CSMD1: variants seen among roughly 807,000 people sequenced by gnomAD.
CSMD1 encodes CUB and Sushi multiple domains 1.
In CSMD1, 213 loss-of-function variants were observed where a neutral mutation model predicts 417.5. The ratio of observed to expected loss-of-function variants is 0.51; its 90% CI spans 0.46 to 0.57. The LOEUF (loss-of-function observed/expected upper bound fraction) is 0.57. Among genes scored for constraint, CSMD1 ranks in the 20% least tolerant of loss-of-function variants. The pLI, the probability that CSMD1 is intolerant of heterozygous loss-of-function variation, is 0.00. For synonymous variants in CSMD1, 2,862 were observed against 1,736.8 expected (o/e 1.65, Z -16.11); for missense variants, 6,923 against 4,529.7 (o/e 1.53, Z -15.17).
At chr8:3,672,789 G>A (rs1009327620) in intron 7 of CSMD1, among the ~76,000 whole-genome samples, 1 of 152,144 alleles carries the variant, frequency 6.6e-6, no homozygotes, top group Non-Finnish European at 1.5e-5. Flanking sequence ...TCTCCTGGGA[G>A]AACCCTTTGC....
intron 5 of CSMD1, among the ~76,000 whole-genome samples, chr8:3,847,235 C>G (rs757022499): frequency 2.7e-4 from 41 of 152,160 alleles, no homozygotes; most frequent in Non-Finnish European, 4.1e-4. Flanking sequence ...AAGGTGAAGA[C>G]ATTTTGCAGA....
chr8:3,935,328 G>C (rs954814612), intron 5 of CSMD1, among the ~76,000 whole-genome samples: 1 of 152,250 alleles, frequency 6.6e-6, no homozygotes, highest in African/African-American at 2.4e-5. Flanking sequence ...ATATATATTA[G>C]TGATACTTGG....
At chr8:4,327,224 C>G (rs1329110258) in intron 3 of CSMD1, among the ~76,000 whole-genome samples, 2 of 152,122 alleles carry the variant, frequency 1.3e-5, no homozygotes, top group Non-Finnish European at 2.9e-5. Flanking sequence ...AATGATATAG[C>G]TTAGTTTTCA....
chr8:3,484,502 G>A (rs937671166), intron 11 of CSMD1, among the ~76,000 whole-genome samples: 1 of 152,146 alleles, frequency 6.6e-6, no homozygotes, highest in Non-Finnish European at 1.5e-5. Context: ...ATGTATAGAA[G>A]GACTCCTCTG....
intron 25 of CSMD1, among the ~76,000 whole-genome samples, chr8:3,301,824 G>T (rs969417463): frequency 5.3e-5 from 8 of 152,154 alleles, no homozygotes; most frequent in Admixed American, 2.6e-4. Flanking sequence ...GGGAAGGTCA[G>T]TTGAGAGAAG....
At chr8:3,682,903 GA>G (rs1799739787) in intron 7 of CSMD1, among the ~76,000 whole-genome samples, 1 of 152,190 alleles carries the variant, frequency 6.6e-6, no homozygotes, top group African/African-American at 2.4e-5. Context: ...AAACATGGAT[GA>G]AGCTGGAAAC....
In CSMD1 at chr8:4,927,010, G is replaced by C. The variant is rs995044907; in HGVS notation, c.85+67322C>G. On this transcript the variant is annotated intron_variant, in intron 1 of 69. Coordinates refer to ENST00000635120, the MANE Select transcript of CSMD1 (RefSeq NM_033225.6). ...TCATTTATAAAGATTCAAAGCAGTA[G>C]ACATCCCGTATCTAAAAGACATGCT... 1.3e-5 allele frequency among the ~76,000 whole-genome samples: 2 copies of C among 151,814 alleles called. 1 individual carries two copies. Among genetic ancestry groups the C allele is most frequent in the African/African-American group, 4.8e-5 (2 of 41,348 alleles).
chr8:3,637,924 C>A (rs904553053), intron 7 of CSMD1, among the ~76,000 whole-genome samples: 11 of 152,314 alleles, frequency 7.2e-5, no homozygotes, highest in African/African-American at 2.4e-4. Flanking sequence ...TTGATTGCCG[C>A]CATGTAAGAC....
intron 4 of CSMD1, among the ~76,000 whole-genome samples, chr8:4,001,080 G>C (rs142581767): frequency 1.1e-3 from 172 of 151,546 alleles, no homozygotes; most frequent in African/African-American, 4.0e-3. Flanking sequence ...GACATCAAAT[G>C]ATTATGAATT....
chr8:3,885,364 C>G (rs901859074), intron 5 of CSMD1, among the ~76,000 whole-genome samples: 1 of 151,934 alleles, frequency 6.6e-6, no homozygotes, highest in African/African-American at 2.4e-5. Flanking sequence ...AACGGTTAAA[C>G]GAAAATATAA....
chr8:4,471,273 A>G (rs1388424427), intron 2 of CSMD1, among the ~76,000 whole-genome samples: 3 of 152,230 alleles, frequency 2.0e-5, no homozygotes, highest in African/African-American at 4.8e-5. Context: ...ATCAGGAACA[A>G]TAAATTTCAC....
chr8:4,598,927 A>G (rs570203192), intron 2 of CSMD1, among the ~76,000 whole-genome samples: 58 of 152,332 alleles, frequency 3.8e-4, no homozygotes, highest in African/African-American at 1.4e-3. Context: ...CAAAAAAACA[A>G]TAATTTCAGT....
chr8:4,218,763 T>C (rs1391183387), intron 3 of CSMD1, among the ~76,000 whole-genome samples: 1 of 152,230 alleles, frequency 6.6e-6, no homozygotes, highest in Non-Finnish European at 1.5e-5. Context: ...CATCAGTCTC[T>C]TGATTTGGTC....
intron 3 of CSMD1, among the ~76,000 whole-genome samples, chr8:4,144,694 A>G (rs150383741): frequency 2.0e-5 from 3 of 151,144 alleles, no homozygotes; most frequent in Non-Finnish European, 4.4e-5. Context: ...GGTTTTACAT[A>G]CTCGGCAAAG....
chr8:4,766,502 A>G (rs944354312), intron 1 of CSMD1, among the ~76,000 whole-genome samples: 1 of 152,258 alleles, frequency 6.6e-6, no homozygotes, highest in African/African-American at 2.4e-5. Flanking sequence ...TCAGGCAACT[A>G]TGCAACGACC....
chr8:4,983,036 A>G (rs922614414), intron 1 of CSMD1, among the ~76,000 whole-genome samples: 4 of 152,254 alleles, frequency 2.6e-5, no homozygotes, highest in Admixed American at 6.5e-5. Context: ...ACAAGCTCTA[A>G]TATTAAATTA....
chr8:2,950,267 G>C lies in CSMD1; in HGVS notation c.10278C>G (p.Ser3426Arg). ...QIKGQADIFV[S>R]KFENDNWGLD... is the part of the protein sequence containing the mutation. ...GTCCCCAGTTGTCATTTTCGAACTT[G>C]CTTACAAAAATATCTGCCTGGCCTT... The change falls in exon 67 of 70, where the codon AGC becomes AGG. Residue 3426 changes from serine to arginine, a missense_variant. Ser to Arg is a moderately radical substitution (Grantham distance 110). Transcript: ENST00000635120. 6 of 1,613,080 alleles carry C rather than the reference G, an allele frequency of 3.7e-6. No homozygotes were observed. Among genetic ancestry groups the C allele is most frequent in the Non-Finnish European group, 5.1e-6 (6 of 1,179,160 alleles).
intron 3 of CSMD1, among the ~76,000 whole-genome samples, chr8:4,321,679 C>G (rs1312859815): frequency 6.6e-6 from 1 of 152,122 alleles, no homozygotes; most frequent in Non-Finnish European, 1.5e-5. Flanking sequence ...GTTCAACATT[C>G]CTAAGATAGT....
chr8:3,700,928 G>C (rs951120604), intron 7 of CSMD1, among the ~76,000 whole-genome samples: 15 of 152,216 alleles, frequency 9.9e-5, no homozygotes, highest in Admixed American at 9.2e-4. Context: ...TCTGATTGCA[G>C]GGTGGGACTT....
Sources: gnomAD v4.1 joint callset for allele counts (sites outside exome capture counted in the v4.1 genomes callset) on GRCh38, gnomAD v4.1.1 for gene constraint, MANE v1.5 for transcripts, NCBI Gene and HGNC (gene_info 2026-07-23, HGNC 2026-07-21) for gene names.